Variants in CPQ observed in about 807,000 individuals in gnomAD.
CPQ encodes carboxypeptidase Q, also known as Ser-Met dipeptidase.
CPQ carries 37 observed loss-of-function variants against 45.7 expected under a neutral mutation model. That is an observed-to-expected ratio of 0.81 (90% CI 0.62 to 1.07). The LOEUF (loss-of-function observed/expected upper bound fraction) is 1.07. Among genes scored for constraint, CPQ ranks in the 50% least tolerant of loss-of-function variants. CPQ has a pLI of 0.00. For synonymous variants in CPQ, 186 were observed against 205.8 expected (o/e 0.90, Z 0.82); for missense variants, 537 against 572.9 (o/e 0.94, Z 0.64).
At chr8:96,817,276 A>T (rs1235483480) in intron 2 of CPQ, among the ~76,000 whole-genome samples, 1 of 152,116 alleles carries the variant, frequency 6.6e-6, no homozygotes, top group African/African-American at 2.4e-5. Context: ...CTCTTTCCTT[A>T]AATGAACCAA....
intron 5 of CPQ, among the ~76,000 whole-genome samples, chr8:97,002,427 C>A (rs1422530800): frequency 1.3e-5 from 2 of 152,148 alleles, no homozygotes; most frequent in Non-Finnish European, 2.9e-5. Flanking sequence ...CTTAACACTG[C>A]CTTGTCTGTG....
At chr8:97,105,597 A>C (rs764556554) in intron 7 of CPQ, among the ~76,000 whole-genome samples, 5 of 152,220 alleles carry the variant, frequency 3.3e-5, no homozygotes, top group Non-Finnish European at 7.3e-5. Flanking sequence ...TTTTACTAGG[A>C]ACCTAAGGAA....
chr8:97,090,580 C>T (rs1811110286), intron 7 of CPQ, among the ~76,000 whole-genome samples: 1 of 152,096 alleles, frequency 6.6e-6, no homozygotes, highest in Non-Finnish European at 1.5e-5. Context: ...TAACTGGTGT[C>T]CTTGGAAATT....
At chr8:97,137,888 A>C (rs1417522971) in intron 7 of CPQ, among the ~76,000 whole-genome samples, 2 of 119,396 alleles carry the variant, frequency 1.7e-5, no homozygotes, top group East Asian at 4.0e-4. Context: ...ACTCCGTCTC[A>C]AAAAAAAAAA....
chr8:97,102,261 G>A (rs992273068), intron 7 of CPQ, among the ~76,000 whole-genome samples: 1 of 152,070 alleles, frequency 6.6e-6, no homozygotes, highest in Non-Finnish European at 1.5e-5. Context: ...AATTTCTTAC[G>A]GGCTCAACTC....
At chr8:96,803,740 C>T (rs1331148472) in intron 2 of CPQ, among the ~76,000 whole-genome samples, 1 of 152,176 alleles carries the variant, frequency 6.6e-6, no homozygotes, top group Non-Finnish European at 1.5e-5. Flanking sequence ...CAGTTAAATT[C>T]TACAAACTCA....
intron 7 of CPQ, among the ~76,000 whole-genome samples, chr8:97,123,988 C>T (rs1586553179): frequency 6.6e-6 from 1 of 151,778 alleles, no homozygotes; most frequent in East Asian, 1.9e-4. Flanking sequence ...ATTCACTCGC[C>T]GAGGTGGGCA....
intron 1 of CPQ, among the ~76,000 whole-genome samples, chr8:96,707,746 T>C (rs932994695): frequency 2.6e-5 from 4 of 151,900 alleles, no homozygotes; most frequent in Non-Finnish European, 5.9e-5. Flanking sequence ...GTTCTGGGAG[T>C]CAGAAGTCCA....
At chr8:97,096,935 G>C (rs185861684) in intron 7 of CPQ, among the ~76,000 whole-genome samples, 31 of 152,306 alleles carry the variant, frequency 2.0e-4, no homozygotes, top group Non-Finnish European at 3.4e-4. Context: ...ACCTATTTCT[G>C]TGTGCAATGT....
intron 1 of CPQ, among the ~76,000 whole-genome samples, chr8:96,739,093 C>T (rs1215982725): frequency 2.0e-5 from 3 of 149,272 alleles, no homozygotes; most frequent in Non-Finnish European, 4.5e-5. Context: ...TAAAAGTGTT[C>T]CTATTTCTCC....
intron 1 of CPQ, among the ~76,000 whole-genome samples, chr8:96,677,950 T>G (rs1051634047): frequency 2.6e-5 from 4 of 152,142 alleles, no homozygotes; most frequent in Non-Finnish European, 5.9e-5. Flanking sequence ...TTTATGTTTT[T>G]GTATGCTTTG....
intron 7 of CPQ, among the ~76,000 whole-genome samples, chr8:97,130,952 T>A (rs1412132921): frequency 6.6e-6 from 1 of 152,162 alleles, no homozygotes; most frequent in East Asian, 1.9e-4. Flanking sequence ...AGAGGCTGCG[T>A]TGAGCTGCCA....
intron 1 of CPQ, among the ~76,000 whole-genome samples, chr8:96,737,451 C>G (rs766718011): frequency 1.3e-5 from 2 of 151,120 alleles, no homozygotes; most frequent in Non-Finnish European, 2.9e-5. Flanking sequence ...AGACCCTGTC[C>G]AAGTCCCAAA....
intron 1 of CPQ, among the ~76,000 whole-genome samples, chr8:96,668,274 T>C (rs1808954082): frequency 6.6e-6 from 1 of 152,222 alleles, no homozygotes; most frequent in African/African-American, 2.4e-5. Flanking sequence ...TGCCCCACAC[T>C]GTGCAAGTTA....
chr8:97,013,989 A>G (rs1194305146), intron 5 of CPQ, among the ~76,000 whole-genome samples: 3 of 152,218 alleles, frequency 2.0e-5, no homozygotes, highest in Non-Finnish European at 4.4e-5. Context: ...AAATTGTTTT[A>G]TTGATAGAGA....
At chr8:96,833,756 C>T (rs1811489892) in intron 2 of CPQ, among the ~76,000 whole-genome samples, 1 of 152,098 alleles carries the variant, frequency 6.6e-6, no homozygotes, top group Non-Finnish European at 1.5e-5. Context: ...TAGATCTTAG[C>T]CAATCACTTT....
At chr8:97,034,122 G>C (rs1201239507) in intron 6 of CPQ, among the ~76,000 whole-genome samples, 1 of 152,108 alleles carries the variant, frequency 6.6e-6, no homozygotes, top group Non-Finnish European at 1.5e-5. Flanking sequence ...TATAGCTTGT[G>C]TATACATTTT....
intron 3 of CPQ, among the ~76,000 whole-genome samples, chr8:96,848,024 C>T (rs1409136261): frequency 6.6e-6 from 1 of 151,690 alleles, no homozygotes; most frequent in Non-Finnish European, 1.5e-5. Flanking sequence ...ATTATCCACC[C>T]ACTCCAACCT....
intron 2 of CPQ, among the ~76,000 whole-genome samples, chr8:96,823,133 G>A (rs770392428): frequency 6.6e-6 from 1 of 151,848 alleles, no homozygotes; most frequent in African/African-American, 2.4e-5. Context: ...AAGTAACATG[G>A]CCACATCTAG....
Sources: gnomAD v4.1 joint callset for allele counts (sites outside exome capture counted in the v4.1 genomes callset) on GRCh38, gnomAD v4.1.1 for gene constraint, MANE v1.5 for transcripts, NCBI Gene and HGNC (gene_info 2026-07-23, HGNC 2026-07-21) for gene names.